Variants in SEMA3D observed in about 807,000 individuals in gnomAD.
SEMA3D encodes the protein semaphorin-3D.
In SEMA3D, 84 loss-of-function variants were observed where a neutral mutation model predicts 100.1. The ratio of observed to expected loss-of-function variants is 0.84; its 90% confidence interval spans 0.70 to 1.01. The LOEUF (loss-of-function observed/expected upper bound fraction) is 1.01. Among genes scored for constraint, SEMA3D ranks in the 50% least tolerant of loss-of-function variants. SEMA3D has a pLI of 0.00. For synonymous variants in SEMA3D, 312 were observed against 320.7 expected, an observed-to-expected ratio of 0.97 and a Z score of 0.29; for missense variants, 875 against 934.1, an observed-to-expected ratio of 0.94 and a Z score of 0.82.
At chr7:85,042,394 G>C in intron 9 of SEMA3D, 109 bp from the exon 10 acceptor site, 1 of 751,002 alleles carries the variant, frequency 1.3e-6, no homozygotes, top group Non-Finnish European at 2.3e-6. Context: ...TGTTTACAAA[G>C]ACACTGAACC....
chr7:85,101,927 T>G (rs1291880254), intron 3 of SEMA3D, among the ~76,000 whole-genome samples: 2 of 152,008 alleles, frequency 1.3e-5, no homozygotes, highest in Non-Finnish European at 2.9e-5. Context: ...CATCTCTGCA[T>G]TTTTTATGAT....
At chr7:85,151,428 G>T (rs1790382160) in intron 2 of SEMA3D, among the ~76,000 whole-genome samples, 1 of 151,898 alleles carries the variant, frequency 6.6e-6, no homozygotes, top group South Asian at 2.1e-4. Context: ...AAAACAGTGT[G>T]ATACTCTTAA....
intron 1 of SEMA3D, among the ~76,000 whole-genome samples, chr7:85,164,633 A>G (rs900241563): frequency 6.6e-6 from 1 of 152,180 alleles, no homozygotes; most frequent in African/African-American, 2.4e-5. Context: ...GACTTGACAC[A>G]GGAGGAAAAC....
rs960992033 is a variant in SEMA3D, at chr7:85,142,971, A to ACTTAC, written c.-41+10636_-41+10637insGTAAG. 77 of 985,062 alleles carry ACTTAC rather than the reference A, an allele frequency of 7.8e-5. No homozygotes were observed. In the African/African-American group the frequency reaches 1.3e-3, roughly 17 times the overall value. The allele number at this position is 985,062 out of a possible 1,614,324, so 61.0% of individuals were successfully genotyped here. A position where few individuals can be genotyped will look rare whatever the true frequency, so the allele number is the denominator to read the frequency against. On this transcript the variant is annotated intron_variant, in intron 2 of 18. Coordinates refer to ENST00000284136, the MANE Select transcript of SEMA3D (RefSeq NM_001384900.1). Reference sequence around the variant, plus strand: ...GTTAGGAAAAGTAATGCCAAGAGCAATTCTACCTTAGACAACTTACTAAAC... The same window carrying ACTTAC: ...GTTAGGAAAAGTAATGCCAAGAGCAACTTACTTCTACCTTAGACAACTTACTAAAC...
At chr7:85,101,992 G>A (rs1359603983) in intron 3 of SEMA3D, among the ~76,000 whole-genome samples, 3 of 151,992 alleles carry the variant, frequency 2.0e-5, no homozygotes, top group African/African-American at 7.2e-5. Context: ...AGCATTTAGT[G>A]TGTATTAAGT....
In SEMA3D at chr7:85,029,127, GC is replaced by G. The variant is rs1790474252; in HGVS notation, c.1192-6515del. On this transcript the variant is annotated intron_variant, in intron 12 of 18. Coordinates refer to ENST00000284136, the MANE Select transcript of SEMA3D (RefSeq NM_001384900.1). The stretch of plus-strand genomic sequence containing the variant: ...AGACCTTCACTACCTACTCTGACAA[GC>G]CTAGCATGTCATTGCCAAGGATAAA... 1.4e-4 allele frequency: 84 copies of G among 614,740 alleles called. 2 individuals are homozygous for G. In the South Asian group the frequency reaches 1.4e-3, roughly 10 times the overall value. 38.1% of individuals were successfully genotyped at this position (614,740 alleles called of 1,614,324 possible). A position where few individuals can be genotyped will look rare whatever the true frequency, so the allele number is the denominator to read the frequency against.
chr7:85,191,637 C>A (rs965328479), upstream of SEMA3D, among the ~76,000 whole-genome samples: 3 of 152,022 alleles, frequency 2.0e-5, no homozygotes, highest in Non-Finnish European at 2.9e-5. Context: ...TTCCTGAAAC[C>A]CAGACATACC....
the SEMA3D span, among the ~76,000 whole-genome samples, chr7:85,218,310 G>A: frequency 6.6e-6 from 1 of 152,046 alleles, no homozygotes; most frequent in Non-Finnish European, 1.5e-5. Context: ...TGATGGACAT[G>A]TACCAGTACA....
In SEMA3D at chr7:85,142,548, A is replaced by G. The variant is rs575333534; in HGVS notation, c.-41+11060T>C. On this transcript the variant is annotated intron_variant, in intron 2 of 18. Coordinates refer to ENST00000284136, the MANE Select transcript of SEMA3D (RefSeq NM_001384900.1). ...TAATATGGTATTTTCCCCAATTTGCATTGGATATGGATCTCAAGAGCAGAA... is the reference window on the plus strand; with the variant it reads ...TAATATGGTATTTTCCCCAATTTGCGTTGGATATGGATCTCAAGAGCAGAA... The G allele has an allele frequency of 6.0e-5, 59 of 983,978 alleles. 1 individual carries two copies. The African/African-American group carries it at 9.9e-4, about 17-fold the overall frequency. The allele number at this position is 983,978 out of a possible 1,614,324, so 61.0% of individuals were successfully genotyped here.
intron 9 of SEMA3D, among the ~76,000 whole-genome samples, chr7:85,043,883 T>A (rs78866816): frequency 0.074 from 11,307 of 152,104 alleles, 1,392 homozygotes; most frequent in African/African-American, 0.25. Context: ...CTATTTTTTT[T>A]AATAAATTCC....
intron 10 of SEMA3D, chr7:85,041,221 T>TG (rs1485140000): frequency 6.6e-6 from 1 of 151,946 alleles, no homozygotes; most frequent in Non-Finnish European, 1.5e-5. Context: ...CCAGCCCGGC[T>TG]AATTTTTTTT....
intron 7 of SEMA3D, among the ~76,000 whole-genome samples, chr7:85,067,650 T>C (rs1791664762): frequency 6.6e-6 from 1 of 152,152 alleles, no homozygotes; most frequent in Non-Finnish European, 1.5e-5. Flanking sequence ...TTGAACAAGA[T>C]AGTTGTCTCA....
At chr7:85,091,734 A>G (rs1325959412) in intron 4 of SEMA3D, among the ~76,000 whole-genome samples, 1 of 152,102 alleles carries the variant, frequency 6.6e-6, no homozygotes, top group Non-Finnish European at 1.5e-5. Context: ...AATGTCAAAC[A>G]CATTCATTAT....
At chr7:85,142,059 C>A (rs940885836) in intron 2 of SEMA3D, 71 of 979,114 alleles carry the variant, frequency 7.3e-5, no homozygotes, top group Non-Finnish European at 8.2e-5. Context: ...AAAAAAAAAA[C>A]CAAGTTTCTG....
chr7:85,205,460 C>A, the SEMA3D span, among the ~76,000 whole-genome samples: 1 of 152,012 alleles, frequency 6.6e-6, no homozygotes, highest in Admixed American at 6.6e-5. Context: ...AAAAAGTGTC[C>A]TTTAATTTTT....
chr7:85,040,811 C>CATTAAA, intron 10 of SEMA3D, 69 bp from the exon 11 acceptor site: 1 of 730,942 alleles, frequency 1.4e-6, no homozygotes. Context: ...GTTAATAACA[C>CATTAAA]AACTGAAACT....
At chr7:85,146,909 G>A (rs1454979704) in intron 2 of SEMA3D, among the ~76,000 whole-genome samples, 1 of 151,904 alleles carries the variant, frequency 6.6e-6, no homozygotes, top group Non-Finnish European at 1.5e-5. Context: ...GGAATAGAAA[G>A]TCTAAAAGAA....
In SEMA3D at chr7:85,055,700, A is replaced by G. The variant is rs748066493; in HGVS notation, c.861+17T>C. 3 of 843,430 alleles carry G rather than the reference A, an allele frequency of 3.6e-6. No homozygotes were observed. The highest frequency in any genetic ancestry group is 5.1e-6 in the Non-Finnish European group (3 of 593,970). The allele number at this position is 843,430 out of a possible 1,614,324, so 52.2% of individuals were successfully genotyped here. On this transcript the variant is annotated intron_variant, in intron 9 of 18. Coordinates refer to ENST00000284136, the MANE Select transcript of SEMA3D (RefSeq NM_001384900.1). The stretch of plus-strand genomic sequence containing the variant: ...TATATATATATGTTTTAAGTAAAAT[A>G]TATAAATATATCTTGCCTTACAAAC...
chr7:85,235,612 T>C, the SEMA3D span, among the ~76,000 whole-genome samples: 2 of 152,148 alleles, frequency 1.3e-5, no homozygotes, highest in Non-Finnish European at 2.9e-5. Flanking sequence ...CTAATTGAAA[T>C]GGTAAAATGT....
Sources: gnomAD v4.1 joint callset for allele counts (sites outside exome capture counted in the v4.1 genomes callset) on GRCh38, gnomAD v4.1.1 for gene constraint, MANE v1.5 for transcripts, NCBI Gene and HGNC (gene_info 2026-07-23, HGNC 2026-07-21) for gene names.